The following MYH3 variants were observed in gnomAD, a reference collection of about 807,000 sequenced individuals.
MYH3 encodes the protein myosin-3.
Under a neutral mutation model 238.0 loss-of-function variants are expected in MYH3, and 130 were observed. The ratio of observed to expected loss-of-function variants is 0.55; its 90% CI spans 0.47 to 0.63. The LOEUF (loss-of-function observed/expected upper bound fraction) is 0.63, where lower values mean the gene tolerates loss of function less well. Among genes scored for constraint, MYH3 ranks in the 30% least tolerant of loss-of-function variants. MYH3 has a pLI of 0.00. For synonymous variants in MYH3, 880 were observed against 924.1 expected, an observed-to-expected ratio of 0.95 and a Z score of 0.86; for missense variants, 1,853 against 2,374.9, an observed-to-expected ratio of 0.78 and a Z score of 4.57.
intron 19 of MYH3, 89 bp downstream of exon 19, chr17:10,640,996 T>C (rs374361721): frequency 9.1e-7 from 1 of 1,097,792 alleles, no homozygotes; most frequent in Non-Finnish European, 1.4e-6. Context: ...TCTTTCGAAA[T>C]AGGTCTTTTC....
At position 10,645,777 on chromosome 17, in the gene MYH3, C is replaced by G; in HGVS notation, c.1071G>C (p.Val357=). ...KSGLYKLTGA[V]MHYGNMKFKQ... ...TGAACTTCATGTTCCCGTAGTGCAT[C>G]ACGGCTCCCGTCAGCTTGTAGAGCC... Residue 357 remains valine (V), a synonymous_variant, in exon 12 of 41, where the codon GTG becomes GTC. Coordinates refer to ENST00000583535, the MANE Select transcript of MYH3 (RefSeq NM_002470.4). 6.2e-7 allele frequency: 1 copy of G among 1,613,890 alleles called. No individual in the cohort carries two copies. Among genetic ancestry groups the G allele is most frequent in the Non-Finnish European group, 8.5e-7 (1 of 1,180,010 alleles).
At chr17:10,630,619 G>A (rs1281781627) in intron 36 of MYH3, among the ~76,000 whole-genome samples, 161 bp from the exon 37 acceptor site, 1 of 152,190 alleles carries the variant, frequency 6.6e-6, no homozygotes, top group African/African-American at 2.4e-5. Context: ...GGAGGCCAAG[G>A]CGGGTGGATC....
At position 10,638,328 on chromosome 17, in the gene MYH3, G is replaced by C; in HGVS notation, c.3444C>G (p.Ser1148Arg). ...SDYARELEEL[S>R]ERLEEAGGVT... ...CGCCTCCCGCCTCCTCCAGCCGCTCGCTCAGCTCCTCCAGCTCCCGGGCAT... is the reference window on the plus strand; with the variant it reads ...CGCCTCCCGCCTCCTCCAGCCGCTCCCTCAGCTCCTCCAGCTCCCGGGCAT... The change falls in exon 27 of 41, where the codon AGC (serine) becomes AGG (arginine). Residue 1148 changes from serine to arginine, a missense_variant. Around this residue, in one of 3 missense-constraint regions of MYH3, gnomAD observed 1,044 missense variants for 1,192.6 expected, o/e 0.88. Coordinates refer to ENST00000583535, the MANE Select transcript of MYH3 (RefSeq NM_002470.4). 1 of 1,611,954 alleles carries C rather than the reference G, an allele frequency of 6.2e-7. No individual in the cohort carries two copies. The highest frequency in any genetic ancestry group is 8.5e-7 in the Non-Finnish European group (1 of 1,179,984).
Position 10,644,236 on chromosome 17 carries a change from T to C in MYH3, c.1410+115A>G, listed in dbSNP as rs1370895213. The C allele has an allele frequency of 2.8e-6, 3 of 1,087,906 alleles. No homozygotes were observed. In the South Asian group the frequency reaches 3.9e-5, roughly 14 times the overall value. The allele number at this position is 1,087,906 out of a possible 1,614,324, so 67.4% of individuals were successfully genotyped here. On this transcript the variant is annotated intron_variant, in intron 14 of 40. Coordinates refer to ENST00000583535, the MANE Select transcript of MYH3 (RefSeq NM_002470.4). Reference sequence around the variant, plus strand: ...TCCTCTATTCCATCCACTCTCCATCTAGTTTCTTACAGGAAACTAAGACAG... The same window carrying C: ...TCCTCTATTCCATCCACTCTCCATCCAGTTTCTTACAGGAAACTAAGACAG...
At chr17:10,675,582 G>A in the MYH3 span, 1 of 152,146 alleles carries the variant, frequency 6.6e-6, no homozygotes, top group Non-Finnish European at 1.5e-5. Context: ...AATGGCTCTG[G>A]AAGCTCTCCT....
intron 12 of MYH3, among the ~76,000 whole-genome samples, chr17:10,644,942 C>T (rs568175448): frequency 3.3e-5 from 5 of 152,218 alleles, no homozygotes; most frequent in East Asian, 1.9e-4. Flanking sequence ...CAAGACTATT[C>T]GAGTGATTCA....
the MYH3 span, chr17:10,673,917 T>C: frequency 2.6e-5 from 4 of 152,154 alleles, no homozygotes; most frequent in Admixed American, 2.6e-4. Flanking sequence ...AAAATGGAAT[T>C]TGTTTATTTG....
In MYH3 at chr17:10,642,178, G is replaced by A. The variant is rs2142403909; in HGVS notation, c.1959+62C>T. ...CAAATAAATCAAGCTTAGAATCTCA[G>A]CATTGCTCATTTAGATGTCACTTAA... On this transcript the variant is annotated intron_variant, in intron 17 of 40. Coordinates refer to ENST00000583535, the MANE Select transcript of MYH3 (RefSeq NM_002470.4). The surrounding 1 kb of genome is among the most constrained non-coding windows in gnomAD (Gnocchi z 5.4). The A allele has an allele frequency of 7.0e-7, 1 of 1,432,888 alleles. No homozygotes were observed. The highest frequency in any genetic ancestry group is 9.8e-7 in the Non-Finnish European group (1 of 1,023,966). 88.8% of individuals were successfully genotyped at this position (1,432,888 alleles called of 1,614,324 possible). A position where few individuals can be genotyped will look rare whatever the true frequency, so the allele number is the denominator to read the frequency against.
chr17:10,642,162 C>T lies in MYH3; in HGVS notation c.1959+78G>A. 7.5e-7 allele frequency: 1 copy of T among 1,340,682 alleles called. No homozygotes were observed. The highest frequency in any genetic ancestry group is 1.1e-6 in the Non-Finnish European group (1 of 946,198). 83.0% of individuals were successfully genotyped at this position (1,340,682 alleles called of 1,614,324 possible). On this transcript the variant is annotated intron_variant, in intron 17 of 40. Coordinates refer to ENST00000583535, the MANE Select transcript of MYH3 (RefSeq NM_002470.4). The surrounding 1 kb of genome is among the most constrained non-coding windows in gnomAD (Gnocchi z 5.4). ...ACAACACTACTACTCTCAAATAAAT[C>T]AAGCTTAGAATCTCAGCATTGCTCA...
chr17:10,650,032 C>T (rs1334782686), intron 6 of MYH3, among the ~76,000 whole-genome samples: 4 of 152,010 alleles, frequency 2.6e-5, no homozygotes, highest in Admixed American at 6.6e-5. Context: ...AGTGCAGTGG[C>T]GCGATCTCGG....
chr17:10,666,052 G>GA, the MYH3 span, among the ~76,000 whole-genome samples: 1 of 151,576 alleles, frequency 6.6e-6, no homozygotes, highest in Non-Finnish European at 1.5e-5. Context: ...TGGCTATTTG[G>GA]AAAAAAAATG....
upstream of MYH3, among the ~76,000 whole-genome samples, chr17:10,659,934 A>G (rs545040892): frequency 7.9e-5 from 12 of 152,372 alleles, no homozygotes; most frequent in African/African-American, 2.4e-4. Flanking sequence ...GCTGGATATC[A>G]GGAATCACAA....
chr17:10,663,889 G>C, the MYH3 span, among the ~76,000 whole-genome samples: 1 of 151,798 alleles, frequency 6.6e-6, no homozygotes, highest in East Asian at 1.9e-4. Context: ...ATGGTGAAAT[G>C]CCGTCTTTAC....
the MYH3 span, among the ~76,000 whole-genome samples, chr17:10,667,501 G>C: frequency 6.6e-6 from 1 of 152,012 alleles, no homozygotes; most frequent in Admixed American, 6.6e-5. Context: ...GGCCAACGTG[G>C]TAAAACCTCA....
intron 14 of MYH3, 140 bp from the exon 15 acceptor site, chr17:10,643,136 C>T: frequency 6.8e-7 from 1 of 1,479,758 alleles, no homozygotes; most frequent in African/African-American, 1.4e-5. Flanking sequence ...CAAGGCCTGC[C>T]TCAGACCGCA....
the MYH3 span, among the ~76,000 whole-genome samples, chr17:10,670,036 A>T: frequency 6.6e-6 from 1 of 152,168 alleles, no homozygotes; most frequent in Non-Finnish European, 1.5e-5. This position sits in a 1 kb window ranked among gnomAD's most constrained non-coding sequence, Gnocchi z 7.0. Flanking sequence ...GCGTGTATGT[A>T]TGTTGAAGGT....
chr17:10,643,121 A>C (rs940677253), intron 14 of MYH3, 125 bp from the exon 15 acceptor site: 75 of 1,534,206 alleles, frequency 4.9e-5, no homozygotes, highest in Non-Finnish European at 6.2e-5. Context: ...TACAATCACA[A>C]TCTTCAAGGC....
Position 10,633,597 on chromosome 17 carries a change from T to C in MYH3, c.4641A>G (p.Glu1547=). The C allele has an allele frequency of 6.2e-7, 1 of 1,613,250 alleles. No homozygotes were observed. The highest frequency in any genetic ancestry group is 1.1e-5 in the South Asian group (1 of 91,074). Residue 1547 remains glutamate, a synonymous_variant, in exon 33 of 41, where the codon GAA becomes GAG. Transcript: ENST00000583535. ...CCTGCCTCCCAGCACTCACCTCTGC[T>C]TCCTCGAGAGCCAGCTGGATATCAG... The part of the protein sequence containing the change: ...EKADIQLALE[E]AEAALEHEEA...
At chr17:10,651,750 T>G in intron 4 of MYH3, 82 bp from the exon 5 acceptor site, 2 of 1,492,440 alleles carry the variant, frequency 1.3e-6, no homozygotes, top group Non-Finnish European at 1.8e-6. Context: ...TATTATTGTT[T>G]TTTTTTTTTT....
Sources: gnomAD v4.1 joint callset for allele counts (sites outside exome capture counted in the v4.1 genomes callset) on GRCh38, gnomAD v4.1.1 for gene constraint, gnomAD v4.1.1 regional missense constraint, Gnocchi (gnomAD v3.1) non-coding constraint, MANE v1.5 for transcripts, NCBI Gene and HGNC (gene_info 2026-07-23, HGNC 2026-07-21) for gene names.